Variants in KANSL1L observed in about 807,000 individuals in gnomAD.
KANSL1L encodes the protein KAT8 regulatory NSL complex subunit 1 like.
Under a neutral mutation model 108.6 loss-of-function variants are expected in KANSL1L, and 25 were observed. The observed-to-expected ratio is 0.23, with a 90% CI of 0.17 to 0.32. The LOEUF (loss-of-function observed/expected upper bound fraction) is 0.32, where lower values mean the gene tolerates loss of function less well. KANSL1L is among the 10% of genes least tolerant of loss of function. The pLI is 1.00. For synonymous variants in KANSL1L, 405 were observed against 395.1 expected, an observed-to-expected ratio of 1.03 and a Z score of -0.30; for missense variants, 1,137 against 1,125.7, an observed-to-expected ratio of 1.01 and a Z score of -0.14.
intron 6 of KANSL1L, among the ~76,000 whole-genome samples, chr2:210,053,729 C>G (rs1004807648): frequency 1.3e-5 from 2 of 151,748 alleles, no homozygotes; most frequent in African/African-American, 4.8e-5. Context: ...CAAATAACTT[C>G]TGCATAGAAA....
chr2:210,111,104 C>T (rs534618853), intron 3 of KANSL1L, among the ~76,000 whole-genome samples: 2 of 151,748 alleles, frequency 1.3e-5, no homozygotes, highest in African/African-American at 4.8e-5. Context: ...AGAGCAAGGC[C>T]CTGTCTCAAA....
At chr2:210,076,250 C>T (rs757648754) in intron 5 of KANSL1L, among the ~76,000 whole-genome samples, 1 of 151,984 alleles carries the variant, frequency 6.6e-6, no homozygotes, top group African/African-American at 2.4e-5. Context: ...GGTGCGATCT[C>T]GGTTCACTGC....
chr2:210,079,608 A>ATGTG (rs1422294910), intron 5 of KANSL1L, among the ~76,000 whole-genome samples: 22 of 62,698 alleles, frequency 3.5e-4, no homozygotes, highest in African/African-American at 1.5e-3. Flanking sequence ...AAAAATATGT[A>ATGTG]TGTGTATATA....
chr2:210,098,051 G>C, intron 5 of KANSL1L, 35 bp downstream of exon 5: 1 of 1,533,602 alleles, frequency 6.5e-7, no homozygotes, highest in Non-Finnish European at 8.8e-7. Flanking sequence ...AGGCAAAGTT[G>C]AATTTAAAAG....
intron 8 of KANSL1L, among the ~76,000 whole-genome samples, chr2:210,034,617 GA>G (rs1433623990): frequency 6.6e-6 from 1 of 152,174 alleles, no homozygotes; most frequent in Non-Finnish European, 1.5e-5. Flanking sequence ...TGATTAAAGG[GA>G]AAAATGGATT....
intron 3 of KANSL1L, among the ~76,000 whole-genome samples, chr2:210,108,166 A>G (rs1158568281): frequency 6.6e-6 from 1 of 152,188 alleles, no homozygotes; most frequent in Non-Finnish European, 1.5e-5. Context: ...CATATAAACA[A>G]CTAAACACTT....
chr2:210,089,329 T>C (rs2094670080), intron 5 of KANSL1L, among the ~76,000 whole-genome samples: 1 of 152,196 alleles, frequency 6.6e-6, no homozygotes, highest in South Asian at 2.1e-4. Context: ...ACCAGTTCTC[T>C]TGATTTAGGC....
chr2:210,135,208 TCAC>T (rs1300423022), intron 2 of KANSL1L, among the ~76,000 whole-genome samples: 1 of 152,116 alleles, frequency 6.6e-6, no homozygotes, highest in Non-Finnish European at 1.5e-5. Flanking sequence ...AGTTTATTGG[TCAC>T]CACATCATGA....
At chr2:210,150,332 T>TA (rs913403663) in intron 2 of KANSL1L, among the ~76,000 whole-genome samples, 21 of 152,022 alleles carry the variant, frequency 1.4e-4, no homozygotes, top group Non-Finnish European at 1.6e-4. Context: ...CGTTATTTAG[T>TA]AAAAAAAAAT....
At chr2:210,152,394 G>A (rs745698205) in intron 2 of KANSL1L, 1 of 152,188 alleles carries the variant, frequency 6.6e-6, no homozygotes, top group Non-Finnish European at 1.5e-5. Flanking sequence ...CATAAGTCTA[G>A]TGCCTATTAG....
At chr2:210,158,703 A>T (rs1463725938) in intron 1 of KANSL1L, among the ~76,000 whole-genome samples, 1 of 51,788 alleles carries the variant, frequency 1.9e-5, no homozygotes, top group African/African-American at 6.2e-5. Flanking sequence ...TATCCTTATA[A>T]AAAAAAAAAA....
chr2:210,021,813 T>C lies in KANSL1L; in HGVS notation c.*1136A>G, dbSNP rs1052863512. On this transcript the variant is annotated 3_prime_UTR_variant, in exon 15 of 15. Transcript: ENST00000281772. ...TAATAGCTTCAAAAGGAATTTTCTT[T>C]CATGTATACTCTTCAGTATCCAATA... The C allele has an allele frequency of 6.6e-6, 1 of 151,592 alleles. No homozygotes were observed. The highest frequency in any genetic ancestry group is 1.5e-5 in the Non-Finnish European group (1 of 67,828). 9.4% of individuals were successfully genotyped at this position (151,592 alleles called of 1,614,324 possible).
At chr2:210,065,611 A>T (rs2723207) in intron 6 of KANSL1L, among the ~76,000 whole-genome samples, 2 of 133,542 alleles carry the variant, frequency 1.5e-5, no homozygotes, top group Non-Finnish European at 3.1e-5. Context: ...TTTGATACAG[A>T]GTTTTGCTCT....
chr2:210,089,185 T>C (rs1386002382), intron 5 of KANSL1L: 1 of 152,220 alleles, frequency 6.6e-6, no homozygotes, highest in Non-Finnish European at 1.5e-5. Flanking sequence ...CCAAACAGTT[T>C]AATTGAAAAA....
chr2:210,141,831 G>C (rs1156614669), intron 2 of KANSL1L, among the ~76,000 whole-genome samples: 9 of 152,084 alleles, frequency 5.9e-5, no homozygotes, highest in Admixed American at 5.9e-4. Flanking sequence ...CCTTCATTCT[G>C]TTAATGTGGT....
At chr2:210,064,312 G>C (rs1167109743) in intron 6 of KANSL1L, 1 of 152,106 alleles carries the variant, frequency 6.6e-6, no homozygotes, top group Non-Finnish European at 1.5e-5. Context: ...AATGATGCCT[G>C]ACACATAATT....
intron 2 of KANSL1L, among the ~76,000 whole-genome samples, chr2:210,136,917 AAT>A (rs1205711676): frequency 2.0e-5 from 3 of 152,222 alleles, no homozygotes; most frequent in African/African-American, 7.2e-5. Context: ...GCAAAATAAA[AAT>A]AGTTAGACTT....
At chr2:210,169,407 G>T (rs181898429) in intron 1 of KANSL1L, among the ~76,000 whole-genome samples, 151 of 152,246 alleles carry the variant, frequency 9.9e-4, no homozygotes, top group Middle Eastern at 3.4e-3. Context: ...TGAGTTAAAT[G>T]AAAATACCAT....
At position 210,153,857 on chromosome 2, in the gene KANSL1L, C is replaced by G. The variant is rs1408773792; in HGVS notation, c.726G>C (p.Gln242His). 6.2e-7 allele frequency: 1 copy of G among 1,612,626 alleles called. No individual in the cohort carries two copies. Among genetic ancestry groups the G allele is most frequent in the Admixed American group, 1.7e-5 (1 of 59,750 alleles). ...TTGCCAGGAGCATCTGCAAATGTTTCTGAGTTCTTCTAGCCTGGCTAAGTA... is the reference window on the plus strand; with the variant it reads ...TTGCCAGGAGCATCTGCAAATGTTTGTGAGTTCTTCTAGCCTGGCTAAGTA... ...KILLSQARRT[Q>H]KHLQMLLAKH... The change falls in exon 2 of 15, where the codon CAG (glutamine) becomes CAC (histidine). Residue 242 changes from glutamine to histidine, a missense_variant. Physicochemically the swap from Gln to His is conservative, Grantham distance 24. Around this residue, in one of 3 missense-constraint regions of KANSL1L, gnomAD observed 556 missense variants for 537.7 expected, o/e 1.03. Transcript: ENST00000281772.
Sources: gnomAD v4.1 joint callset for allele counts (sites outside exome capture counted in the v4.1 genomes callset) on GRCh38, gnomAD v4.1.1 for gene constraint, gnomAD v4.1.1 regional missense constraint, MANE v1.5 for transcripts, NCBI Gene and HGNC (gene_info 2026-07-23, HGNC 2026-07-21) for gene names.